The following PXDNL variants were observed in gnomAD, a reference collection of about 807,000 sequenced individuals.
The protein encoded by PXDNL is peroxidasin like.
Under a neutral mutation model 150.8 loss-of-function variants are expected in PXDNL, and 145 were observed. The observed-to-expected ratio is 0.96, with a 90% CI of 0.84 to 1.10. The LOEUF is 1.10. Ranked by LOEUF, PXDNL falls within the 50% of genes least tolerant of loss-of-function variation. PXDNL has a pLI of 0.00. For synonymous variants in PXDNL, 757 were observed against 725.7 expected, an observed-to-expected ratio of 1.04 and a Z score of -0.69; for missense variants, 2,087 against 1,873.9, an observed-to-expected ratio of 1.11 and a Z score of -2.10.
At chr8:51,416,662 T>C (rs1350229280) in intron 14 of PXDNL, among the ~76,000 whole-genome samples, 1 of 152,258 alleles carries the variant, frequency 6.6e-6, no homozygotes, top group Non-Finnish European at 1.5e-5. Context: ...TGATTATCAA[T>C]TGATACTGTG....
At chr8:51,371,849 C>A (rs571712000) in intron 19 of PXDNL, 24 bp downstream of exon 19, 1 of 1,565,972 alleles carries the variant, frequency 6.4e-7, no homozygotes, top group Non-Finnish European at 8.8e-7. Context: ...CAATCCAGAT[C>A]GTGCTCATTG....
At chr8:51,395,241 C>G (rs942812211) in intron 17 of PXDNL, among the ~76,000 whole-genome samples, 1 of 152,154 alleles carries the variant, frequency 6.6e-6, no homozygotes, top group Non-Finnish European at 1.5e-5. Context: ...AGACACTATT[C>G]CAGATGCTGG....
At chr8:51,690,824 A>G (rs1815979376) in intron 1 of PXDNL, among the ~76,000 whole-genome samples, 1 of 151,994 alleles carries the variant, frequency 6.6e-6, no homozygotes, top group Admixed American at 6.6e-5. Context: ...CATCCTCTCT[A>G]GCACCTGTTG....
At chr8:51,392,061 T>G (rs1290771878) in intron 17 of PXDNL, among the ~76,000 whole-genome samples, 1 of 152,202 alleles carries the variant, frequency 6.6e-6, no homozygotes, top group Non-Finnish European at 1.5e-5. Context: ...ATATGTGACG[T>G]TATTTCTAAG....
chr8:51,399,337 T>C (rs906647411), intron 17 of PXDNL, among the ~76,000 whole-genome samples: 18 of 152,224 alleles, frequency 1.2e-4, no homozygotes, highest in Non-Finnish European at 2.6e-4. Flanking sequence ...CCCAAATGGC[T>C]GCTTCAAATG....
chr8:51,349,794 T>C (rs1265707772), intron 19 of PXDNL, among the ~76,000 whole-genome samples: 1 of 152,242 alleles, frequency 6.6e-6, no homozygotes, highest in Non-Finnish European at 1.5e-5. Context: ...TATGCAACTT[T>C]GGAACACTAG....
intron 1 of PXDNL, among the ~76,000 whole-genome samples, chr8:51,706,288 C>A (rs1816376536): frequency 6.6e-6 from 1 of 151,894 alleles, no homozygotes. Flanking sequence ...CCACTGCACT[C>A]CAGGCTGGGT....
chr8:51,607,412 G>A (rs1188429571), intron 2 of PXDNL, among the ~76,000 whole-genome samples: 1 of 152,096 alleles, frequency 6.6e-6, no homozygotes, highest in Non-Finnish European at 1.5e-5. Context: ...AGTTATTTTT[G>A]GCTCTTGGGC....
At chr8:51,703,473 A>C (rs1816298746) in intron 1 of PXDNL, among the ~76,000 whole-genome samples, 3 of 152,184 alleles carry the variant, frequency 2.0e-5, no homozygotes, top group African/African-American at 7.2e-5. Flanking sequence ...CTTTGCCAAC[A>C]ATCTCAGGAT....
At chr8:51,482,916 C>A (rs1293328743) in intron 6 of PXDNL, among the ~76,000 whole-genome samples, 1 of 152,152 alleles carries the variant, frequency 6.6e-6, no homozygotes, top group African/African-American at 2.4e-5. Context: ...GATGGATACA[C>A]CTGTGTGAGT....
At chr8:51,463,841 A>G (rs1036657928) in intron 8 of PXDNL, among the ~76,000 whole-genome samples, 2 of 152,178 alleles carry the variant, frequency 1.3e-5, no homozygotes, top group African/African-American at 2.4e-5. Context: ...ATCCTGAATG[A>G]CTTTTGGGTA....
intron 4 of PXDNL, among the ~76,000 whole-genome samples, chr8:51,502,521 G>T (rs551042267): frequency 6.6e-6 from 1 of 152,222 alleles, no homozygotes; most frequent in South Asian, 2.1e-4. Flanking sequence ...GTTCTTAACT[G>T]GAGGCAAGCA....
At chr8:51,515,733 A>G (rs929945471) in intron 4 of PXDNL, among the ~76,000 whole-genome samples, 1 of 152,192 alleles carries the variant, frequency 6.6e-6, no homozygotes, top group African/African-American at 2.4e-5. Context: ...TACTTGTCAC[A>G]AGTGGAAATA....
At chr8:51,532,304 A>G (rs1485903315) in intron 4 of PXDNL, among the ~76,000 whole-genome samples, 1 of 150,750 alleles carries the variant, frequency 6.6e-6, no homozygotes, top group Admixed American at 6.6e-5. Context: ...AAGACCCAGA[A>G]CTCAAAAGCA....
intron 2 of PXDNL, among the ~76,000 whole-genome samples, chr8:51,602,553 C>T (rs73572336): frequency 0.084 from 12,738 of 151,844 alleles, 862 homozygotes; most frequent in African/African-American, 0.18. Context: ...ATAGGAGTGA[C>T]AAATTCTAAG....
chr8:51,458,135 C>G (rs1419851153), intron 8 of PXDNL, among the ~76,000 whole-genome samples: 1 of 152,134 alleles, frequency 6.6e-6, no homozygotes, highest in East Asian at 1.9e-4. Flanking sequence ...GGGCTCAAAG[C>G]CAAGTATAAT....
chr8:51,416,230 T>C (rs61305961), intron 14 of PXDNL, among the ~76,000 whole-genome samples: 4,100 of 152,250 alleles, frequency 0.027, 167 homozygotes, highest in African/African-American at 0.094. Flanking sequence ...AGTAAGAAGA[T>C]TGTGTGCTAG....
At chr8:51,683,577 A>G (rs1196952992) in intron 1 of PXDNL, among the ~76,000 whole-genome samples, 2 of 152,054 alleles carry the variant, frequency 1.3e-5, no homozygotes, top group African/African-American at 4.8e-5. Flanking sequence ...GCTGTACAAC[A>G]TTGCCCCTGG....
At chr8:51,761,274 A>C (rs2037164386) in intron 1 of PXDNL, among the ~76,000 whole-genome samples, 1 of 152,112 alleles carries the variant, frequency 6.6e-6, no homozygotes, top group Non-Finnish European at 1.5e-5. Flanking sequence ...GCATTTGCTG[A>C]GAATGTATTA....
Sources: allele counts gnomAD v4.1 joint callset (sites outside exome capture counted in the v4.1 genomes callset), GRCh38; gene constraint gnomAD v4.1.1; transcripts MANE v1.5; gene names NCBI Gene and HGNC (gene_info 2026-07-23, HGNC 2026-07-21).